KCNH4: variants seen among roughly 807,000 people sequenced by gnomAD.
KCNH4 encodes potassium voltage-gated channel subfamily H member 4.
Under a neutral mutation model 90.7 loss-of-function variants are expected in KCNH4, and 33 were observed. That is an observed-to-expected ratio of 0.36 (90% CI 0.28 to 0.49). The LOEUF (loss-of-function observed/expected upper bound fraction) is 0.49, where lower values mean the gene tolerates loss of function less well. Ranked by LOEUF, KCNH4 falls within the 20% of genes least tolerant of loss-of-function variation. KCNH4 has a pLI of 0.98. For missense variants in KCNH4, 1,044 were observed against 1,387.1 expected (o/e 0.75, Z 3.93); for synonymous variants, 551 against 581.7 (o/e 0.95, Z 0.76).
intron 14 of KCNH4, 99 bp from the exon 15 acceptor site, chr17:42,162,420 G>A: frequency 9.9e-7 from 1 of 1,009,702 alleles, no homozygotes; most frequent in Non-Finnish European, 1.5e-6. Context: ...CGGAGAGCAG[G>A]GGGAGACAAA....
intron 6 of KCNH4, among the ~76,000 whole-genome samples, chr17:42,173,048 CT>C (rs2079838360): frequency 6.6e-6 from 1 of 151,728 alleles, no homozygotes; most frequent in Admixed American, 6.6e-5. Context: ...ATAATGGTAC[CT>C]GGTAAGTGTC....
Position 42,170,810 on chromosome 17 carries a change from C to T in KCNH4, c.1196-509G>A, listed in dbSNP as rs118162015. Among the ~76,000 whole-genome samples the T allele has an allele frequency of 1.2e-4, 18 of 152,280 alleles. 1 individual carries two copies. The highest frequency in any genetic ancestry group is 2.0e-4 in the Admixed American group (3 of 15,302). On this transcript the variant is annotated intron_variant, in intron 7 of 16. Coordinates refer to ENST00000264661, the MANE Select transcript of KCNH4 (RefSeq NM_012285.3). ...ACATTTTGGTTGAGACACATGGAAC[C>T]GAAGGAACATTGTTCCAAGTGAGGC...
At chr17:42,173,216 A>G (rs778743233) in intron 6 of KCNH4, among the ~76,000 whole-genome samples, 1 of 151,942 alleles carries the variant, frequency 6.6e-6, no homozygotes, top group South Asian at 2.1e-4. Flanking sequence ...GGAACTTGGT[A>G]TGAAAGCCCC....
chr17:42,159,034 CT>C (rs56722585), intron 16 of KCNH4, among the ~76,000 whole-genome samples: 5 of 151,148 alleles, frequency 3.3e-5, no homozygotes, highest in African/African-American at 4.9e-5. Flanking sequence ...TAACCTGTCT[CT>C]TTTTTTTATT....
chr17:42,158,777 G>A (rs1598264899), intron 16 of KCNH4, among the ~76,000 whole-genome samples: 1 of 151,580 alleles, frequency 6.6e-6, no homozygotes, highest in East Asian at 1.9e-4. Flanking sequence ...GGAGCTTGTA[G>A]TGAGCTGAGA....
chr17:42,172,058 C>A (rs1203198175), intron 6 of KCNH4, 63 bp from the exon 7 acceptor site: 4 of 1,375,510 alleles, frequency 2.9e-6, no homozygotes, highest in Non-Finnish European at 4.0e-6. Context: ...TCAGAGTCCC[C>A]TCCCAGGGCC....
chr17:42,177,993 C>A lies in KCNH4; in HGVS notation c.585+107G>T, dbSNP rs956709906. 5 of 1,457,850 alleles carry A rather than the reference C, an allele frequency of 3.4e-6. No homozygotes were observed. The Admixed American group carries it at 1.0e-4, about 29-fold the overall frequency. 90.3% of individuals were successfully genotyped at this position (1,457,850 alleles called of 1,614,324 possible). A position where few individuals can be genotyped will look rare whatever the true frequency, so the allele number is the denominator to read the frequency against. On this transcript the variant is annotated intron_variant, in intron 4 of 16. Transcript: ENST00000264661. The stretch of plus-strand genomic sequence containing the variant: ...GGAAATGGGTGGGCAGAGGAGCAAG[C>A]CAAGGAGGGACACCAGACAGACAGG...
intron 6 of KCNH4, among the ~76,000 whole-genome samples, chr17:42,173,376 G>T (rs1184209530): frequency 1.3e-5 from 2 of 152,106 alleles, no homozygotes; most frequent in Non-Finnish European, 2.9e-5. Context: ...CCTCGCCAGG[G>T]TTTAATGCCT....
At position 42,180,334 on chromosome 17, in the gene KCNH4, G is replaced by T. The variant is rs2079892649; in HGVS notation, c.76+536C>A. Among the ~76,000 whole-genome samples, 1 of 152,112 alleles carries T rather than the reference G, an allele frequency of 6.6e-6. No individual in the cohort carries two copies. The highest frequency in any genetic ancestry group is 1.5e-5 in the Non-Finnish European group (1 of 68,010). On this transcript the variant is annotated intron_variant, in intron 1 of 16. Coordinates refer to ENST00000264661, the MANE Select transcript of KCNH4 (RefSeq NM_012285.3). The surrounding 1 kb of genome is among the most constrained non-coding windows in gnomAD (Gnocchi z 4.7). ...AACCCAAGCTACGTTGGGCGAGCTG[G>T]GAGTTCCCACCGTCGCACAGACCGC...
At chr17:42,166,918 G>A (rs1025725834) in intron 9 of KCNH4, among the ~76,000 whole-genome samples, 1 of 152,094 alleles carries the variant, frequency 6.6e-6, no homozygotes, top group Non-Finnish European at 1.5e-5. Context: ...CCGCTCGCTG[G>A]GCCTCAGTAT....
chr17:42,173,739 C>G (rs975157002), intron 6 of KCNH4, among the ~76,000 whole-genome samples: 1 of 110,452 alleles, frequency 9.1e-6, no homozygotes, highest in East Asian at 3.2e-4. Flanking sequence ...GAGTCCCTGT[C>G]GCCCAGGCTG....
rs899724639 is a variant in KCNH4, at chr17:42,163,573, G to GT, written c.2477+32dup. 18 of 1,045,722 alleles carry GT rather than the reference G, an allele frequency of 1.7e-5. No individual in the cohort carries two copies. Among genetic ancestry groups the GT allele is most frequent in the South Asian group, 3.1e-5 (2 of 64,492 alleles). The allele number at this position is 1,045,722 out of a possible 1,614,324, so 64.8% of individuals were successfully genotyped here. On this transcript the variant is annotated intron_variant, in intron 13 of 16. Transcript: ENST00000264661. This position sits in a 1 kb window ranked among gnomAD's most constrained non-coding sequence, Gnocchi z 5.4. ...GAGAAGGTTCTGGAAGCCAATAGGG[G>GT]TTTTGGGAAAGCAGGGGAGGCTGGC...
chr17:42,162,836 A>G (rs867184750), intron 14 of KCNH4, among the ~76,000 whole-genome samples: 7 of 151,918 alleles, frequency 4.6e-5, no homozygotes, highest in African/African-American at 1.5e-4. Flanking sequence ...CAGGTGATCC[A>G]CCCTCATCAG....
Position 42,165,576 on chromosome 17 carries a change from C to T in KCNH4, c.1958G>A (p.Gly653Asp), listed in dbSNP as rs780702177. The change falls in exon 11 of 17, where the codon GGC (glycine) becomes GAC (aspartate). Residue 653 changes from glycine (G) to aspartate (D), a missense_variant. Gly to Asp is a moderately conservative substitution (Grantham distance 94, BLOSUM62 -1). Around this residue, in one of 4 missense-constraint regions of KCNH4, gnomAD observed 441 missense variants for 512.3 expected, o/e 0.86. Transcript: ENST00000264661. ...CCCTCGGCTGCTCAGCTGCTGCAGG[C>T]CACAGTAGGTCAGAGCTTTCACATC... ...SADVKALTYC[G>D]LQQLSSRGLA... 1.2e-6 allele frequency: 2 copies of T among 1,614,172 alleles called. No homozygotes were observed. Among genetic ancestry groups the T allele is most frequent in the South Asian group, 2.2e-5 (2 of 91,082 alleles).
Position 42,179,016 on chromosome 17 carries a change from G to A in KCNH4, c.87C>T (p.Phe29=), listed in dbSNP as rs943619408. 2.9e-5 allele frequency: 46 copies of A among 1,612,740 alleles called. No homozygotes were observed. Among genetic ancestry groups the A allele is most frequent in the Non-Finnish European group, 3.6e-5 (42 of 1,178,880 alleles). ...GTGTGCCCTGTGCGTTGGCCAGCAG[G>A]AAGTTGCTGTCTGTGGGAAGAAGAG... ...ATRFDGTHSN[F]LLANAQGTRG... is the part of the protein sequence containing the mutation. Residue 29 remains phenylalanine (F), a synonymous_variant, in exon 2 of 17, where the codon TTC becomes TTT. Transcript: ENST00000264661.
At chr17:42,169,327 G>A (rs1182492247) in intron 9 of KCNH4, 150 bp downstream of exon 9, 13 of 705,938 alleles carry the variant, frequency 1.8e-5, no homozygotes, top group East Asian at 1.4e-4. Context: ...TGACCTGCCC[G>A]CCTCAGCCTC....
In KCNH4 at chr17:42,176,322, G is replaced by A; in HGVS notation, c.586-25C>T. 4 of 1,600,012 alleles carry A rather than the reference G, an allele frequency of 2.5e-6. No individual in the cohort carries two copies. In the Middle Eastern group the frequency reaches 6.7e-4, roughly 267 times the overall value. On this transcript the variant is annotated intron_variant, in intron 4 of 16. Coordinates refer to ENST00000264661, the MANE Select transcript of KCNH4 (RefSeq NM_012285.3). ...TCTAAGGGGAGAGGGGTGGCGGTTG[G>A]GGACACTTGAGGGAAAGAGGAGCCA...
At chr17:42,171,642 A>T in intron 7 of KCNH4, 146 bp downstream of exon 7, 1 of 835,614 alleles carries the variant, frequency 1.2e-6, no homozygotes, top group East Asian at 2.5e-5. Flanking sequence ...CAATATTCCC[A>T]TGCTTGATCC....
rs768639692 is a variant in KCNH4 at position 42,178,397 on chromosome 17, T to C, written c.391A>G (p.Lys131Glu). The C allele has an allele frequency of 1.9e-6, 3 of 1,614,150 alleles. No individual in the cohort carries two copies. The highest frequency in any genetic ancestry group is 1.7e-6 in the Non-Finnish European group (2 of 1,180,030). Residue 131 changes from lysine to glutamate, a missense_variant, in exon 3 of 17, where the codon AAG becomes GAG. Coordinates refer to ENST00000264661, the MANE Select transcript of KCNH4 (RefSeq NM_012285.3). ...GEVVLFLFSF[K>E]DITQSGSPGL... is the part of the protein sequence containing the mutation. ...GGGCTTCCACTCTGAGTGATATCCT[T>C]GAAGGAAAAGAGGAACAGCACGACC...
Sources: allele counts gnomAD v4.1 joint callset (sites outside exome capture counted in the v4.1 genomes callset), GRCh38; gene constraint gnomAD v4.1.1; regional missense constraint gnomAD v4.1.1; non-coding constraint Gnocchi (gnomAD v3.1); transcripts MANE v1.5; gene names NCBI Gene and HGNC (gene_info 2026-07-23, HGNC 2026-07-21).